The following SPAG17 variants were observed in gnomAD, a reference collection of about 807,000 sequenced individuals.
SPAG17 encodes sperm-associated antigen 17.
SPAG17 carries 169 observed loss-of-function variants against 273.6 expected under a neutral mutation model. The observed-to-expected ratio is 0.62, with a 90% CI of 0.55 to 0.70. The LOEUF (loss-of-function observed/expected upper bound fraction) is 0.70, where lower values mean the gene tolerates loss of function less well. SPAG17 is among the 30% of genes least tolerant of loss of function. SPAG17 has a pLI of 0.00. For synonymous variants in SPAG17, 825 were observed against 873.2 expected, an observed-to-expected ratio of 0.94 and a Z score of 0.97; for missense variants, 2,557 against 2,627.8, an observed-to-expected ratio of 0.97 and a Z score of 0.59.
chr1:118,048,652 C>A (rs968924815), intron 20 of SPAG17, among the ~76,000 whole-genome samples: 1 of 152,178 alleles, frequency 6.6e-6, no homozygotes, highest in Non-Finnish European at 1.5e-5. Flanking sequence ...AATCCCAGCA[C>A]TTTGGGAGGC....
chr1:117,961,932 A>G (rs1403632818), intron 48 of SPAG17: 2 of 152,096 alleles, frequency 1.3e-5, no homozygotes, highest in Non-Finnish European at 2.9e-5. Context: ...ATTTTTTATG[A>G]GAACAGAAGT....
At chr1:118,140,164 C>T (rs1317689738) in intron 3 of SPAG17, among the ~76,000 whole-genome samples, 1 of 152,132 alleles carries the variant, frequency 6.6e-6, no homozygotes, top group Non-Finnish European at 1.5e-5. Flanking sequence ...AATTCCTTTT[C>T]TTTATAAATT....
chr1:118,145,542 T>A (rs1445246739), intron 3 of SPAG17, among the ~76,000 whole-genome samples: 1 of 152,214 alleles, frequency 6.6e-6, no homozygotes, highest in Non-Finnish European at 1.5e-5. Context: ...TACATTTTAT[T>A]AAACTGCATT....
chr1:118,031,656 AAC>A (rs764853424), intron 25 of SPAG17, 34 bp downstream of exon 25: 12 of 1,604,440 alleles, frequency 7.5e-6, no homozygotes, highest in Non-Finnish European at 1.0e-5. Flanking sequence ...CTGAAGCAGA[AAC>A]AGAGTTTGGG....
At chr1:118,027,206 A>G (rs906291718) in intron 26 of SPAG17, among the ~76,000 whole-genome samples, 2 of 152,220 alleles carry the variant, frequency 1.3e-5, no homozygotes, top group African/African-American at 4.8e-5. Context: ...CATGCAGCAC[A>G]GTGGGAAAAC....
intron 3 of SPAG17, among the ~76,000 whole-genome samples, chr1:118,128,323 A>G (rs947222219): frequency 2.0e-5 from 3 of 152,164 alleles, no homozygotes; most frequent in Non-Finnish European, 4.4e-5. Context: ...TTTTCTATGT[A>G]TAAAATCGTG....
In SPAG17 at chr1:118,152,201, G is replaced by A. The variant is rs548989168; in HGVS notation, c.88-832C>T. Among the ~76,000 whole-genome samples, 350 of 152,100 alleles carry A rather than the reference G, an allele frequency of 2.3e-3. 2 individuals are homozygous for A. The highest frequency in any genetic ancestry group is 8.1e-3 in the African/African-American group (337 of 41,484). ...GAAAAGAGAGGGAATAATAAGGGAG[G>A]GCACTCTAGTCATGTGACCTCTCTG... On this transcript the variant is annotated intron_variant, in intron 1 of 48. Coordinates refer to ENST00000336338, the MANE Select transcript of SPAG17 (RefSeq NM_206996.4).
In SPAG17 at chr1:117,996,713, A is replaced by C; in HGVS notation, c.4807T>G (p.Leu1603Val). ...VMADGSISTI[L>V]PEKKLEDDLN... ...TCATCTTCCAATTTTTTTTCAGGTA[A>C]TATAGTTGATATGCTACCATCAGCC... Residue 1603 changes from leucine to valine, a missense_variant, in exon 33 of 49, where the codon TTA becomes GTA. By Grantham distance (32) the Leu-to-Val change is conservative. Transcript: ENST00000336338. The C allele has an allele frequency of 6.2e-7, 1 of 1,611,802 alleles. No individual in the cohort carries two copies.
chr1:117,982,890 G>A (rs114365491), intron 42 of SPAG17, among the ~76,000 whole-genome samples: 1 of 152,238 alleles, frequency 6.6e-6, no homozygotes, highest in African/African-American at 2.4e-5. Flanking sequence ...GATTTTTGAA[G>A]AGGCTGGGCT....
At chr1:118,076,280 G>A (rs1035318445) in intron 15 of SPAG17, 5 of 152,054 alleles carry the variant, frequency 3.3e-5, no homozygotes, top group African/African-American at 4.8e-5. Flanking sequence ...AGCTGATTGT[G>A]CCTATGAAGG....
At chr1:118,181,766 T>G (rs540243067) in intron 1 of SPAG17, among the ~76,000 whole-genome samples, 1 of 152,144 alleles carries the variant, frequency 6.6e-6, no homozygotes, top group Non-Finnish European at 1.5e-5. Flanking sequence ...TCCTTGTACA[T>G]TGTTGGTGGG....
At chr1:118,084,155 G>A (rs1323604841) in intron 13 of SPAG17, among the ~76,000 whole-genome samples, 1 of 152,116 alleles carries the variant, frequency 6.6e-6, no homozygotes, top group African/African-American at 2.4e-5. Flanking sequence ...CCCCTACTCA[G>A]GAAGGGGGTA....
intron 18 of SPAG17, among the ~76,000 whole-genome samples, chr1:118,061,992 A>G (rs552228010): frequency 6.6e-6 from 1 of 152,200 alleles, no homozygotes; most frequent in Non-Finnish European, 1.5e-5. Flanking sequence ...AAATACTGTC[A>G]GACTAAATTT....
chr1:117,994,580 G>C (rs746422430), intron 34 of SPAG17, 50 bp from the exon 35 acceptor site: 3 of 1,558,618 alleles, frequency 1.9e-6, no homozygotes, highest in African/African-American at 1.4e-5. Context: ...AAAGTACTCA[G>C]AGAAAATGAA....
At position 118,048,882 on chromosome 1, in the gene SPAG17, C is replaced by T. The variant is rs558106921; in HGVS notation, c.2814+5120G>A. 1.3e-4 allele frequency among the ~76,000 whole-genome samples: 19 copies of T among 151,814 alleles called. No homozygotes were observed. In the South Asian group the frequency reaches 1.5e-3, roughly 12 times the overall value. On this transcript the variant is annotated intron_variant, in intron 20 of 48. Transcript: ENST00000336338. ...CTGCACTCCAGCCTGGGCGACAGAG[C>T]GAGACTCCATCTAAAAAAAATAAAA...
intron 3 of SPAG17, among the ~76,000 whole-genome samples, chr1:118,125,454 T>C (rs1657664175): frequency 6.6e-6 from 1 of 152,200 alleles, no homozygotes; most frequent in Admixed American, 6.5e-5. Context: ...CCTACAGTGC[T>C]ATAGAACACT....
intron 3 of SPAG17, among the ~76,000 whole-genome samples, chr1:118,148,392 C>T (rs1035872980): frequency 6.6e-6 from 1 of 152,162 alleles, no homozygotes; most frequent in Non-Finnish European, 1.5e-5. Flanking sequence ...CAAGGGTACA[C>T]GAACCTGCTG....
intron 19 of SPAG17, 104 bp downstream of exon 19, chr1:118,055,629 G>A: frequency 1.2e-5 from 12 of 1,002,938 alleles, no homozygotes; most frequent in Non-Finnish European, 1.8e-5. Context: ...ACTTTTTTGG[G>A]TAATTCTTTT....
intron 13 of SPAG17, among the ~76,000 whole-genome samples, chr1:118,083,349 G>T (rs941021460): frequency 2.0e-5 from 3 of 152,124 alleles, no homozygotes. Context: ...TCAGGTGGTT[G>T]TGTGGAAAAA....
Sources: gnomAD v4.1 joint callset for allele counts (sites outside exome capture counted in the v4.1 genomes callset) on GRCh38, gnomAD v4.1.1 for gene constraint, MANE v1.5 for transcripts, NCBI Gene and HGNC (gene_info 2026-07-23, HGNC 2026-07-21) for gene names.